The following FBRSL1 variants were observed in gnomAD, a reference collection of about 807,000 sequenced individuals.
The protein encoded by FBRSL1 is fibrosin-1-like protein.
In FBRSL1, 51 loss-of-function variants were observed where a neutral mutation model predicts 89.6. The observed-to-expected ratio is 0.57, with a 90% CI of 0.45 to 0.72. FBRSL1 has a LOEUF of 0.72. Among genes scored for constraint, FBRSL1 ranks in the 30% least tolerant of loss-of-function variants. The pLI, the probability that FBRSL1 is intolerant of heterozygous loss-of-function variation, is 0.00. For missense variants in FBRSL1, 1,618 were observed against 1,451.8 expected (o/e 1.11, Z -1.86); for synonymous variants, 779 against 681.1 (o/e 1.14, Z -2.24).
intron 4 of FBRSL1, among the ~76,000 whole-genome samples, chr12:132,547,698 G>A (rs2137318350): frequency 6.6e-6 from 1 of 152,222 alleles, no homozygotes; most frequent in East Asian, 1.9e-4. Context: ...TGAGGGTCTG[G>A]CCAGTGAGGG....
intron 17 of FBRSL1, 92 bp downstream of exon 17, chr12:132,581,916 C>G (rs1304566118): frequency 1.5e-6 from 2 of 1,344,468 alleles, no homozygotes; most frequent in African/African-American, 2.9e-5. Flanking sequence ...CCTGGCTGAC[C>G]TCCCTCCTCT....
Position 132,583,361 on chromosome 12 carries a change from C to A in FBRSL1, c.2592C>A (p.Ala864=), listed in dbSNP as rs1394877110. The change falls in exon 19 of 19, where the codon GCC becomes GCA. Residue 864 remains alanine (A), a synonymous_variant. Transcript: ENST00000680143. ...PFRGLELPRR[A]FPAAAPAPGS... is the part of the protein sequence containing the mutation. ...GCGGCCTGGAGCTGCCACGTCGCGC[C>A]TTCCCCGCTGCCGCCCCCGCCCCGG... 12 of 1,130,352 alleles carry A rather than the reference C, an allele frequency of 1.1e-5. No homozygotes were observed. Among genetic ancestry groups the A allele is most frequent in the Non-Finnish European group, 1.1e-6 (1 of 920,948 alleles). 70.0% of individuals were successfully genotyped at this position (1,130,352 alleles called of 1,614,324 possible). A position where few individuals can be genotyped will look rare whatever the true frequency, so the allele number is the denominator to read the frequency against.
chr12:132,491,567 T>G (rs987941778), intron 1 of FBRSL1, among the ~76,000 whole-genome samples: 8 of 152,190 alleles, frequency 5.3e-5, no homozygotes, highest in Non-Finnish European at 1.2e-4. Context: ...CCCAGCGAGG[T>G]GTGCCCCGTG....
At chr12:132,503,136 C>G (rs553174847) in intron 1 of FBRSL1, among the ~76,000 whole-genome samples, 1 of 140,286 alleles carries the variant, frequency 7.1e-6, no homozygotes, top group African/African-American at 2.6e-5. Flanking sequence ...GGAGCCCTGA[C>G]CCTACCTCCT....
At chr12:132,510,725 T>TC (rs2034236700) in intron 2 of FBRSL1, 20 of 1,207,856 alleles carry the variant, frequency 1.7e-5, no homozygotes, top group Non-Finnish European at 2.0e-5. Flanking sequence ...ATGCTCCCTC[T>TC]CCCCCCACTG....
At position 132,548,031 on chromosome 12, in the gene FBRSL1, AG is replaced by A; in HGVS notation, c.645+1del. ...GACAGCGAGAGCGGCCCGGACGACA[AG>A]GTAAGCCCAGCGTCCTCCTCCTGGG... is the stretch of plus-strand genomic sequence containing the variant. ...SCDSESGPDD[K>X]ASVGSEKLFA... On this transcript the variant is annotated frameshift_variant and splice_region_variant, in exon 5 of 19. Transcript: ENST00000680143. LOFTEE classifies it high-confidence loss of function. 6.5e-7 allele frequency: 1 copy of A among 1,550,160 alleles called. No individual in the cohort carries two copies.
At position 132,570,351 on chromosome 12, in the gene FBRSL1, C is replaced by A. The variant is rs1415099905; in HGVS notation, c.1024C>A (p.Pro342Thr). 1 of 1,532,310 alleles carries A rather than the reference C, an allele frequency of 6.5e-7. No individual in the cohort carries two copies. Among genetic ancestry groups the A allele is most frequent in the South Asian group, 1.2e-5 (1 of 83,386 alleles). 94.9% of individuals were successfully genotyped at this position (1,532,310 alleles called of 1,614,324 possible). The change falls in exon 8 of 19, where the codon CCC (proline) becomes ACC (threonine). Residue 342 changes from proline (P) to threonine (T), a missense_variant. By Grantham distance (38) the Pro-to-Thr change is conservative. Transcript: ENST00000680143. ...GTCCCGCAGCAGGAGCAGCAGCGCC[C>A]CCCTGGGCCTGGGGAAGCACGTGTC... ...LHGLSRSSSA[P>T]LGLGKHVSLS... is the part of the protein sequence containing the mutation.
intron 5 of FBRSL1, among the ~76,000 whole-genome samples, chr12:132,557,812 C>T (rs2038799693): frequency 1.3e-5 from 2 of 152,188 alleles, no homozygotes; most frequent in African/African-American, 4.8e-5. Context: ...TTGGCGGGAC[C>T]GAGGCCTGCT....
At chr12:132,524,257 C>T (rs2035600666) in intron 2 of FBRSL1, among the ~76,000 whole-genome samples, 4 of 152,248 alleles carry the variant, frequency 2.6e-5, no homozygotes, top group South Asian at 4.1e-4. Context: ...ACCCTGCCCC[C>T]GGCTCCCGCC....
At chr12:132,551,274 C>T (rs1050735960) in intron 5 of FBRSL1, 1 of 398,558 alleles carries the variant, frequency 2.5e-6, no homozygotes, top group South Asian at 1.8e-5. Flanking sequence ...CCCACATTTA[C>T]AGGGACCCTC....
intron 2 of FBRSL1, among the ~76,000 whole-genome samples, chr12:132,512,753 G>A (rs903308074): frequency 1.3e-5 from 2 of 152,242 alleles, no homozygotes; most frequent in Non-Finnish European, 2.9e-5. Context: ...GCACTTGGCT[G>A]CCCCTTAATG....
In FBRSL1 at chr12:132,584,819, T is replaced by TCAC. The variant is rs2041022079; in HGVS notation, c.*1041_*1042insCAC. On this transcript the variant is annotated 3_prime_UTR_variant, in exon 19 of 19. Transcript: ENST00000680143. Reference sequence around the variant, plus strand: ...AGTGCAAGAGTCTAAAGGCTGATTTTACACACACACACACACACACACACA... The same window carrying TCAC: ...AGTGCAAGAGTCTAAAGGCTGATTTTCACACACACACACACACACACACACACA... The TCAC allele has an allele frequency of 1.0e-5, 1 of 99,482 alleles. No homozygotes were observed. Among genetic ancestry groups the TCAC allele is most frequent in the African/African-American group, 3.6e-5 (1 of 27,932 alleles). The allele number at this position is 99,482 out of a possible 1,614,324, so 6.2% of individuals were successfully genotyped here. A position where few individuals can be genotyped will look rare whatever the true frequency, so the allele number is the denominator to read the frequency against.
intron 1 of FBRSL1, among the ~76,000 whole-genome samples, chr12:132,494,198 C>T (rs1354248083): frequency 6.6e-6 from 1 of 152,194 alleles, no homozygotes; most frequent in Non-Finnish European, 1.5e-5. Context: ...CTTGCTGTCC[C>T]TTTTGTTTCC....
At chr12:132,550,478 A>G (rs1475281752) in intron 5 of FBRSL1, among the ~76,000 whole-genome samples, 2 of 151,968 alleles carry the variant, frequency 1.3e-5, no homozygotes, top group African/African-American at 2.4e-5. Context: ...GTTGGGGGGC[A>G]GCTCCCGGAG....
intron 6 of FBRSL1, among the ~76,000 whole-genome samples, chr12:132,569,328 A>C (rs945318189): frequency 3.3e-5 from 5 of 151,398 alleles, no homozygotes; most frequent in African/African-American, 1.2e-4. Context: ...GGTGACGGGC[A>C]GTCACAGTAG....
intron 5 of FBRSL1, among the ~76,000 whole-genome samples, chr12:132,563,637 C>A (rs1209586927): frequency 6.6e-6 from 1 of 152,078 alleles, no homozygotes; most frequent in Admixed American, 6.5e-5. Flanking sequence ...TAAAATTCAC[C>A]TATTTATTTT....
intron 1 of FBRSL1, among the ~76,000 whole-genome samples, chr12:132,495,374 G>T (rs771292558): frequency 6.6e-6 from 1 of 152,352 alleles, no homozygotes; most frequent in East Asian, 1.9e-4. Flanking sequence ...TCCGGGGACC[G>T]CTGAGGCCAC....
intron 2 of FBRSL1, chr12:132,511,138 A>T: frequency 2.0e-6 from 2 of 985,478 alleles, no homozygotes; most frequent in Non-Finnish European, 2.4e-6. Flanking sequence ...TACAGGGGGC[A>T]CATGGGCCCA....
chr12:132,509,459 A>T lies in FBRSL1; in HGVS notation c.489+1109A>T, dbSNP rs73486483. On this transcript the variant is annotated intron_variant, in intron 2 of 18. Coordinates refer to ENST00000680143, the MANE Select transcript of FBRSL1 (RefSeq NM_001367871.1). ...GGCCCCAGCGGCTCCTTCCATCCCCAGATCAGCTCTGCCAGCCCCAGCGGT... is the reference window on the plus strand; with the variant it reads ...GGCCCCAGCGGCTCCTTCCATCCCCTGATCAGCTCTGCCAGCCCCAGCGGT... 1.1e-3 allele frequency: 1,377 copies of T among 1,237,826 alleles called. 10 individuals are homozygous for T. The African/African-American group carries it at 0.018, about 17-fold the overall frequency. 76.7% of individuals were successfully genotyped at this position (1,237,826 alleles called of 1,614,324 possible). A position where few individuals can be genotyped will look rare whatever the true frequency, so the allele number is the denominator to read the frequency against.
Sources: allele counts gnomAD v4.1 joint callset (sites outside exome capture counted in the v4.1 genomes callset), GRCh38; gene constraint gnomAD v4.1.1; transcripts MANE v1.5; gene names NCBI Gene and HGNC (gene_info 2026-07-23, HGNC 2026-07-21).